IGFBP5: variants seen among roughly 807,000 people sequenced by gnomAD.
The protein encoded by IGFBP5 is insulin like growth factor binding protein 5.
Under a neutral mutation model 28.0 loss-of-function variants are expected in IGFBP5, and 12 were observed. That is an observed-to-expected ratio of 0.43 (90% CI 0.27 to 0.69). The LOEUF is 0.69. IGFBP5 is among the 30% of genes least tolerant of loss of function. The pLI is 0.20. For synonymous variants in IGFBP5, 152 were observed against 150.2 expected (o/e 1.01, Z -0.09); for missense variants, 344 against 381.6 (o/e 0.90, Z 0.82).
chr2:216,689,864 C>T (rs887914832), intron 1 of IGFBP5, among the ~76,000 whole-genome samples: 1 of 152,194 alleles, frequency 6.6e-6, no homozygotes, highest in African/African-American at 2.4e-5. Flanking sequence ...CAGGCACTAA[C>T]TAACTAACCT....
chr2:216,690,501 G>GGTT (rs1553551648), intron 1 of IGFBP5, among the ~76,000 whole-genome samples: 3 of 152,036 alleles, frequency 2.0e-5, no homozygotes, highest in African/African-American at 7.3e-5. Context: ...CTTCCCGCTG[G>GGTT]CTTCTTCGCT....
Position 216,679,677 on chromosome 2 carries a change from G to A in IGFBP5, c.338-598C>T, listed in dbSNP as rs941539299. Among the ~76,000 whole-genome samples, 3 of 152,132 alleles carry A rather than the reference G, an allele frequency of 2.0e-5. No homozygotes were observed. The highest frequency in any genetic ancestry group is 7.2e-5 in the African/African-American group (3 of 41,418). On this transcript the variant is annotated intron_variant, in intron 1 of 3. Coordinates refer to ENST00000233813, the MANE Select transcript of IGFBP5 (RefSeq NM_000599.4). The surrounding 1 kb of genome is among the most constrained non-coding windows in gnomAD (Gnocchi z 4.6). The stretch of plus-strand genomic sequence containing the variant: ...GGGGGTCCTGGGGTCTGGAGCAGCA[G>A]GGTGGTGAGGACCTTCATAAGCGGC...
chr2:216,680,283 G>A (rs1016293785), intron 1 of IGFBP5, among the ~76,000 whole-genome samples: 2 of 152,142 alleles, frequency 1.3e-5, no homozygotes, highest in African/African-American at 2.4e-5. Context: ...CTGAAATGAG[G>A]TGAAAGAAAA....
rs927244052 is a variant in IGFBP5 at position 216,692,421 on chromosome 2, G to C, written c.337+2018C>G. Among the ~76,000 whole-genome samples the C allele has an allele frequency of 2.0e-5, 3 of 149,908 alleles. No individual in the cohort carries two copies. The highest frequency in any genetic ancestry group is 4.5e-5 in the Non-Finnish European group (3 of 67,384). ...TGTGTGTGATGCGCCCTCCGTGCTC[G>C]CCTAGCAATTGCGCGCGCGTGCGCT... On this transcript the variant is annotated intron_variant, in intron 1 of 3. Transcript: ENST00000233813. This position sits in a 1 kb window ranked among gnomAD's most constrained non-coding sequence, Gnocchi z 4.2.
At chr2:216,687,636 G>T (rs1279487003) in intron 1 of IGFBP5, among the ~76,000 whole-genome samples, 1 of 152,194 alleles carries the variant, frequency 6.6e-6, no homozygotes, top group Non-Finnish European at 1.5e-5. Context: ...AGTTGGGGAA[G>T]GGGGAGCATG....
intron 1 of IGFBP5, among the ~76,000 whole-genome samples, chr2:216,683,408 C>T (rs574029890): frequency 6.6e-6 from 1 of 152,306 alleles, no homozygotes; most frequent in African/African-American, 2.4e-5. Flanking sequence ...TTGGGTGCCT[C>T]CCTCTCCTAC....
At chr2:216,693,711 AGT>A (rs1689130301) in intron 1 of IGFBP5, among the ~76,000 whole-genome samples, 1 of 152,132 alleles carries the variant, frequency 6.6e-6, no homozygotes, top group African/African-American at 2.4e-5. Context: ...GCACTCCTAA[AGT>A]ATTTTTTTCC....
In IGFBP5 at chr2:216,693,383, G is replaced by A. The variant is rs181462384; in HGVS notation, c.337+1056C>T. 8.3e-3 allele frequency among the ~76,000 whole-genome samples: 1,232 copies of A among 149,106 alleles called. 9 individuals are homozygous for A. The highest frequency in any genetic ancestry group is 0.028 in the Middle Eastern group (8 of 290). On this transcript the variant is annotated intron_variant, in intron 1 of 3. Coordinates refer to ENST00000233813, the MANE Select transcript of IGFBP5 (RefSeq NM_000599.4). ...CTGAATTTTGCATTCTGCGTTTCCA[G>A]GGCCCCTCATGCACTTAATCCACAC...
intron 1 of IGFBP5, among the ~76,000 whole-genome samples, chr2:216,682,346 G>A (rs1688985884): frequency 6.6e-6 from 1 of 152,234 alleles, no homozygotes; most frequent in Non-Finnish European, 1.5e-5. Flanking sequence ...GGGCTGGAAA[G>A]TAAGACTGGA....
In IGFBP5 at chr2:216,675,499, C is replaced by T. The variant is rs891507384; in HGVS notation, c.*1252G>A. The T allele has an allele frequency of 3.3e-5, 5 of 152,386 alleles. No individual in the cohort carries two copies. The highest frequency in any genetic ancestry group is 1.9e-4 in the East Asian group (1 of 5,162). The allele number at this position is 152,386 out of a possible 1,614,324, so 9.4% of individuals were successfully genotyped here. ...ACGGAGGGCTGGCCTCTGCCTGGCT[C>T]GGTGGGTGCAGATGAACACACGTGG... On this transcript the variant is annotated 3_prime_UTR_variant, in exon 4 of 4. Coordinates refer to ENST00000233813, the MANE Select transcript of IGFBP5 (RefSeq NM_000599.4).
At chr2:216,677,161 A>T (rs1688910627) in intron 3 of IGFBP5, among the ~76,000 whole-genome samples, 1 of 149,988 alleles carries the variant, frequency 6.7e-6, no homozygotes, top group African/African-American at 2.5e-5. Flanking sequence ...TTGGTCTAAA[A>T]CTCCTGAGCC....
chr2:216,686,115 T>C (rs914241741), intron 1 of IGFBP5, among the ~76,000 whole-genome samples: 31 of 152,056 alleles, frequency 2.0e-4, no homozygotes, highest in Non-Finnish European at 4.4e-5. Context: ...GACTGGATGA[T>C]GAGGGCTATA....
In IGFBP5 at chr2:216,692,865, G is replaced by A; in HGVS notation, c.337+1574C>T. Among the ~76,000 whole-genome samples, 1 of 152,010 alleles carries A rather than the reference G, an allele frequency of 6.6e-6. No homozygotes were observed. Among genetic ancestry groups the A allele is most frequent in the East Asian group, 2.0e-4 (1 of 5,128 alleles). On this transcript the variant is annotated intron_variant, in intron 1 of 3. Transcript: ENST00000233813. This position sits in a 1 kb window ranked among gnomAD's most constrained non-coding sequence, Gnocchi z 4.2. ...CACTCAAACCCTGCAGGGTTTGCGG[G>A]GACTGAGGCTGAACACAGGAAGCTC...
rs767247383 is a variant in IGFBP5 at position 216,676,691 on chromosome 2, G to T, written c.*60C>A. ...GTGGCGTCCTGGGGTGGAGGGAGGC[G>T]CTGGCTGGAGTCGGGGCTGGGGGTG... On this transcript the variant is annotated 3_prime_UTR_variant, in exon 4 of 4. Coordinates refer to ENST00000233813, the MANE Select transcript of IGFBP5 (RefSeq NM_000599.4). The T allele has an allele frequency of 1.8e-5, 20 of 1,142,502 alleles. No individual in the cohort carries two copies. The highest frequency in any genetic ancestry group is 9.9e-5 in the South Asian group (7 of 70,798). 70.8% of individuals were successfully genotyped at this position (1,142,502 alleles called of 1,614,324 possible).
In IGFBP5 at chr2:216,672,598, T is replaced by G. The variant is rs1329632301; in HGVS notation, c.*4153A>C. The G allele has an allele frequency of 2.6e-5, 4 of 152,498 alleles. No homozygotes were observed. The highest frequency in any genetic ancestry group is 5.9e-5 in the Non-Finnish European group (4 of 67,982). The allele number at this position is 152,498 out of a possible 1,614,324, so 9.4% of individuals were successfully genotyped here. On this transcript the variant is annotated 3_prime_UTR_variant, in exon 4 of 4. Transcript: ENST00000233813. ...CAACTCGGAATCTGAAGGAATCTTG[T>G]CTGACAACTGTGCTATCCATGTGGG...
intron 1 of IGFBP5, among the ~76,000 whole-genome samples, chr2:216,686,535 T>G (rs1689036600): frequency 6.6e-6 from 1 of 151,968 alleles, no homozygotes; most frequent in Non-Finnish European, 1.5e-5. Context: ...GAGGATGGCT[T>G]GAACCCAGGA....
chr2:216,684,153 C>T (rs1485625704), intron 1 of IGFBP5, among the ~76,000 whole-genome samples: 1 of 152,220 alleles, frequency 6.6e-6, no homozygotes, highest in African/African-American at 2.4e-5. Context: ...TTGCACAACG[C>T]ATGTACCCTG....
At position 216,692,083 on chromosome 2, in the gene IGFBP5, C is replaced by T. The variant is rs1482577031; in HGVS notation, c.337+2356G>A. On this transcript the variant is annotated intron_variant, in intron 1 of 3. Transcript: ENST00000233813. The surrounding 1 kb of genome is among the most constrained non-coding windows in gnomAD (Gnocchi z 4.2). ...CATCTCCAACTTTTTGGGGACCCGC[C>T]CAGTGGTTGTCCGGCTAAAACGCCC... 6.6e-6 allele frequency among the ~76,000 whole-genome samples: 1 copy of T among 152,086 alleles called. No individual in the cohort carries two copies. The highest frequency in any genetic ancestry group is 1.5e-5 in the Non-Finnish European group (1 of 68,022).
At chr2:216,685,256 G>C (rs1295372616) in intron 1 of IGFBP5, among the ~76,000 whole-genome samples, 1 of 149,980 alleles carries the variant, frequency 6.7e-6, no homozygotes, top group African/African-American at 2.5e-5. Context: ...ATTCCCCCCT[G>C]GGCAATAGTG....
Sources: gnomAD v4.1 joint callset for allele counts (sites outside exome capture counted in the v4.1 genomes callset) on GRCh38, gnomAD v4.1.1 for gene constraint, Gnocchi (gnomAD v3.1) non-coding constraint, MANE v1.5 for transcripts, NCBI Gene and HGNC (gene_info 2026-07-23, HGNC 2026-07-21) for gene names.